The following PAX5 variants were observed in gnomAD, a reference collection of about 807,000 sequenced individuals.
PAX5 encodes paired box 5.
In PAX5, 9 loss-of-function variants were observed where a neutral mutation model predicts 43.7. The observed-to-expected ratio is 0.21, with a 90% CI of 0.12 to 0.36. The LOEUF is 0.36. Among genes scored for constraint, PAX5 ranks in the 10% least tolerant of loss-of-function variants. The pLI is 1.00. For synonymous variants in PAX5, 228 were observed against 214.3 expected, an observed-to-expected ratio of 1.06 and a Z score of -0.56; for missense variants, 383 against 532.7, an observed-to-expected ratio of 0.72 and a Z score of 2.77.
chr9:36,928,642 T>C (rs1830852912), intron 6 of PAX5, among the ~76,000 whole-genome samples: 1 of 152,182 alleles, frequency 6.6e-6, no homozygotes, highest in Admixed American at 6.5e-5. Flanking sequence ...ACAAGAGCAC[T>C]AAGTGATACG....
intron 3 of PAX5, chr9:37,007,753 AAAG>A (rs2132432004): frequency 6.6e-6 from 1 of 152,396 alleles, no homozygotes; most frequent in East Asian, 1.9e-4. Flanking sequence ...GGGAAAGTAT[AAAG>A]AAGACATCTA....
intron 8 of PAX5, among the ~76,000 whole-genome samples, chr9:36,861,798 A>G (rs1050295107): frequency 3.3e-5 from 5 of 151,782 alleles, no homozygotes; most frequent in Non-Finnish European, 7.4e-5. Flanking sequence ...TTTGGCCTCT[A>G]CTCTGAGTGT....
intron 5 of PAX5, among the ~76,000 whole-genome samples, chr9:36,981,197 TC>T (rs1835899534): frequency 1.4e-5 from 1 of 70,884 alleles, no homozygotes; most frequent in South Asian, 3.6e-4. Context: ...CCCCCCCCCC[TC>T]AGCCCTGCTT....
intron 7 of PAX5, among the ~76,000 whole-genome samples, chr9:36,916,391 C>T (rs1433298477): frequency 1.3e-5 from 2 of 152,072 alleles, no homozygotes; most frequent in Non-Finnish European, 2.9e-5. Flanking sequence ...TTACTCATTT[C>T]TCTATGTTAA....
Position 36,869,807 on chromosome 9 carries a change from AATAG to A in PAX5, c.1012+12193_1012+12196del, listed in dbSNP as rs554608295. ...GCGATAGTGGATGGATGGGTGGATAAATAGATGGATGGATGGATGAATAGATGGA... is the reference window on the plus strand; with the variant it reads ...GCGATAGTGGATGGATGGGTGGATAAATGGATGGATGGATGAATAGATGGA... On this transcript the variant is annotated intron_variant, in intron 8 of 9. Transcript: ENST00000358127. 2.9e-3 allele frequency among the ~76,000 whole-genome samples: 433 copies of A among 151,522 alleles called. 1 individual carries two copies. Among genetic ancestry groups the A allele is most frequent in the Non-Finnish European group, 4.4e-3 (297 of 67,844 alleles).
intron 7 of PAX5, among the ~76,000 whole-genome samples, chr9:36,889,945 G>A (rs561020406): frequency 2.8e-5 from 4 of 143,516 alleles, no homozygotes; most frequent in East Asian, 4.4e-4. Flanking sequence ...CACTAACGGG[G>A]GGGGGGGGAA....
chr9:36,891,519 A>C (rs1178386284), intron 7 of PAX5, among the ~76,000 whole-genome samples: 2 of 152,222 alleles, frequency 1.3e-5, no homozygotes, highest in African/African-American at 4.8e-5. Context: ...ACCTGCCACT[A>C]GTGGAGGGTA....
At chr9:36,888,223 G>C (rs2131800046) in intron 7 of PAX5, among the ~76,000 whole-genome samples, 1 of 152,326 alleles carries the variant, frequency 6.6e-6, no homozygotes, top group South Asian at 2.1e-4. Context: ...GCAGTTCTTA[G>C]ACATCGAGTT....
intron 7 of PAX5, among the ~76,000 whole-genome samples, chr9:36,883,966 C>T (rs1826689923): frequency 6.6e-6 from 1 of 151,916 alleles, no homozygotes; most frequent in African/African-American, 2.4e-5. Context: ...ACCAACATCC[C>T]AATAATCTTA....
chr9:36,956,862 A>G (rs180894425), intron 6 of PAX5, among the ~76,000 whole-genome samples: 38 of 152,326 alleles, frequency 2.5e-4, no homozygotes, highest in African/African-American at 8.7e-4. Context: ...CGGCACTTCT[A>G]GAGATCTAGG....
intron 4 of PAX5, among the ~76,000 whole-genome samples, chr9:37,004,883 G>T (rs1838255859): frequency 6.6e-6 from 1 of 152,092 alleles, no homozygotes; most frequent in African/African-American, 2.4e-5. Context: ...CATGACCTAG[G>T]GCTAGTTATT....
chr9:36,874,306 C>G (rs565917736), intron 8 of PAX5, among the ~76,000 whole-genome samples: 2 of 152,238 alleles, frequency 1.3e-5, no homozygotes, highest in Non-Finnish European at 2.9e-5. Flanking sequence ...ATATTTCTGT[C>G]TGGACTGGCC....
rs1054814840 is a variant in PAX5, at chr9:36,855,653, G to C, written c.1013-8724C>G. On this transcript the variant is annotated intron_variant, in intron 8 of 9. Coordinates refer to ENST00000358127, the MANE Select transcript of PAX5 (RefSeq NM_016734.3). ...AACACCCCAGACGCCGCCTGGTGGC[G>C]GTCAAGGCCCTTCAGGGGCTGGTTC... Among the ~76,000 whole-genome samples the C allele has an allele frequency of 2.6e-5, 4 of 152,082 alleles. No individual in the cohort carries two copies. In the East Asian group the frequency reaches 7.7e-4, roughly 29 times the overall value.
intron 5 of PAX5, among the ~76,000 whole-genome samples, chr9:36,971,889 CT>C (rs1173761451): frequency 1.3e-5 from 2 of 152,246 alleles, no homozygotes; most frequent in Non-Finnish European, 2.9e-5. Flanking sequence ...AGATTCCCAT[CT>C]GTCAAGAGAA....
At chr9:36,891,485 G>T (rs2131815689) in intron 7 of PAX5, among the ~76,000 whole-genome samples, 1 of 152,372 alleles carries the variant, frequency 6.6e-6, no homozygotes, top group East Asian at 1.9e-4. Flanking sequence ...GAACAGGGTT[G>T]CTCTGGAGTC....
rs183107972 is a variant in PAX5, at chr9:37,002,035, G to A, written c.604+613C>T. On this transcript the variant is annotated intron_variant, in intron 5 of 9. Transcript: ENST00000358127. ...GGAGGGGCTGAGAAAAACCAACCGGGAAGATTGTCATCTTTGTAATCCCCC... is the reference window on the plus strand; with the variant it reads ...GGAGGGGCTGAGAAAAACCAACCGGAAAGATTGTCATCTTTGTAATCCCCC... 3.2e-3 allele frequency among the ~76,000 whole-genome samples: 491 copies of A among 152,098 alleles called. 2 individuals carry two copies. Among genetic ancestry groups the A allele is most frequent in the Middle Eastern group, 0.01 (3 of 292 alleles).
intron 8 of PAX5, 75 bp from the exon 9 acceptor site, chr9:36,847,004 C>T: frequency 1.9e-6 from 2 of 1,064,750 alleles, no homozygotes; most frequent in Non-Finnish European, 2.9e-6. Flanking sequence ...GGGTCCCAGC[C>T]AGCCTGGTTG....
chr9:36,937,334 C>T (rs527359124), intron 6 of PAX5, among the ~76,000 whole-genome samples: 45 of 152,274 alleles, frequency 3.0e-4, no homozygotes, highest in African/African-American at 1.1e-3. Flanking sequence ...AGTTCACCCC[C>T]CAGCAGTGCG....
chr9:37,027,958 T>C (rs934124371), intron 1 of PAX5, among the ~76,000 whole-genome samples: 20 of 152,208 alleles, frequency 1.3e-4, no homozygotes, highest in Non-Finnish European at 2.6e-4. Context: ...GGATCGCGGC[T>C]GTGGGGAGGG....
Sources: allele counts gnomAD v4.1 joint callset (sites outside exome capture counted in the v4.1 genomes callset), GRCh38; gene constraint gnomAD v4.1.1; transcripts MANE v1.5; gene names NCBI Gene and HGNC (gene_info 2026-07-23, HGNC 2026-07-21).